Variants in NPIPB11 observed in about 807,000 individuals in gnomAD.
The protein encoded by NPIPB11 is nuclear pore complex interacting protein family member B11, also known as nuclear pore complex-interacting protein family member B11.
In NPIPB11, 17 loss-of-function variants were observed where a neutral mutation model predicts 32.8. The ratio of observed to expected loss-of-function variants is 0.52; its 90% CI spans 0.35 to 0.78. The LOEUF is 0.78. Among genes scored for constraint, NPIPB11 ranks in the 30% least tolerant of loss-of-function variants. The pLI, the probability that NPIPB11 is intolerant of heterozygous loss-of-function variation, is 0.01. For missense variants in NPIPB11, 537 were observed against 1,000.4 expected (o/e 0.54, Z 6.25); for synonymous variants, 209 against 398.4 (o/e 0.52, Z 5.66).
chr16:29,404,741 G>T (rs1177559496), upstream of NPIPB11, among the ~76,000 whole-genome samples: 3 of 150,404 alleles, frequency 2.0e-5, no homozygotes, highest in Admixed American at 6.7e-5. Context: ...ATGGGGTTCA[G>T]GCTGCCGGAC....
chr16:29,401,176 C>T (rs1284034815), intron 2 of NPIPB11, among the ~76,000 whole-genome samples: 10 of 152,130 alleles, frequency 6.6e-5, no homozygotes, highest in Admixed American at 6.6e-4. Flanking sequence ...CTAATCTGAG[C>T]ACTCTTGAAC....
At chr16:29,390,790 A>G (rs985820808) in intron 3 of NPIPB11, among the ~76,000 whole-genome samples, 24 of 151,484 alleles carry the variant, frequency 1.6e-4, no homozygotes, top group South Asian at 1.3e-3. Flanking sequence ...ATGGAGAAAC[A>G]CTGTCTCTGC....
chr16:29,389,944 T>C (rs767624892), exon 5 of NPIPB11: 3 of 1,591,994 alleles, frequency 1.9e-6, no homozygotes, highest in Non-Finnish European at 2.6e-6. Flanking sequence ...ATCTTACTGT[T>C]TTCTGGCGGT....
chr16:29,395,944 C>G (rs1325905984), intron 2 of NPIPB11, among the ~76,000 whole-genome samples: 1 of 150,616 alleles, frequency 6.6e-6, no homozygotes, highest in East Asian at 1.9e-4. Context: ...CACCACTGCA[C>G]TTCAGCCTGG....
upstream of NPIPB11, among the ~76,000 whole-genome samples, chr16:29,405,955 T>C (rs1266106188): frequency 6.6e-6 from 1 of 152,266 alleles, no homozygotes; most frequent in Non-Finnish European, 1.5e-5. Context: ...AGGGTTAAGG[T>C]TTTTATATCC....
chr16:29,389,194 C>CA (rs1166217249), intron 5 of NPIPB11, among the ~76,000 whole-genome samples: 810 of 50,192 alleles, frequency 0.016, 12 homozygotes, highest in East Asian at 0.057. Context: ...GACTCTGTCT[C>CA]AAAAAAAAAA....
At chr16:29,397,584 C>A in intron 2 of NPIPB11, 2 of 1,517,950 alleles carry the variant, frequency 1.3e-6, no homozygotes, top group Non-Finnish European at 1.8e-6. Context: ...GCACTGATGG[C>A]TGATAAATTC....
At chr16:29,399,512 C>T (rs1413454333) in intron 2 of NPIPB11, among the ~76,000 whole-genome samples, 2 of 148,290 alleles carry the variant, frequency 1.3e-5, no homozygotes, top group Admixed American at 6.8e-5. Context: ...CCAGCCTGGC[C>T]AATATGGTGA....
intron 2 of NPIPB11, among the ~76,000 whole-genome samples, chr16:29,401,731 G>T (rs1459754239): frequency 6.6e-6 from 1 of 152,112 alleles, no homozygotes; most frequent in Non-Finnish European, 1.5e-5. Context: ...GGCAAGAGTT[G>T]GGAGCCATTG....
chr16:29,393,263 G>T (rs1963766129), intron 3 of NPIPB11, among the ~76,000 whole-genome samples: 1 of 151,492 alleles, frequency 6.6e-6, no homozygotes, highest in Non-Finnish European at 1.5e-5. Context: ...TCTGCATCAT[G>T]AGACGCAGAG....
upstream of NPIPB11, among the ~76,000 whole-genome samples, chr16:29,404,747 C>T (rs893830464): frequency 2.7e-5 from 4 of 149,968 alleles, no homozygotes; most frequent in Admixed American, 6.7e-5. Context: ...TTCAGGCTGC[C>T]GGACACAGCT....
At chr16:29,399,861 G>A (rs1288915724) in intron 2 of NPIPB11, among the ~76,000 whole-genome samples, 3 of 151,898 alleles carry the variant, frequency 2.0e-5, no homozygotes, top group Admixed American at 2.0e-4. Context: ...GGCGCATCAC[G>A]AGGTTAGGAG....
At chr16:29,390,782 G>T (rs1247486520) in intron 3 of NPIPB11, among the ~76,000 whole-genome samples, 1 of 151,634 alleles carries the variant, frequency 6.6e-6, no homozygotes, top group Non-Finnish European at 1.5e-5. Context: ...TCACCAACAT[G>T]GAGAAACACT....
At chr16:29,402,726 G>C (rs142894007) in intron 2 of NPIPB11, among the ~76,000 whole-genome samples, 44,478 of 96,070 alleles carry the variant, frequency 0.46, 6,492 homozygotes, top group Middle Eastern at 0.54. Flanking sequence ...CTCTCTCTCT[G>C]TGTGTGTGTG....
chr16:29,389,819 C>G lies in NPIPB11; in HGVS notation c.545+122G>C, dbSNP rs1368466969. 3 of 1,530,838 alleles carry G rather than the reference C, an allele frequency of 2.0e-6. No individual in the cohort carries two copies. In the South Asian group the frequency reaches 3.5e-5, roughly 18 times the overall value. 94.8% of individuals were successfully genotyped at this position (1,530,838 alleles called of 1,614,324 possible). Reference sequence around the variant, plus strand: ...ACTAATGAAGCAGAAAGGACAAACTCAATTTTGAACCTACTGAATTTGCCA... The same window carrying G: ...ACTAATGAAGCAGAAAGGACAAACTGAATTTTGAACCTACTGAATTTGCCA... On this transcript the variant is annotated intron_variant, in intron 5 of 7. Coordinates refer to ENST00000524087, the Ensembl canonical transcript of NPIPB11.
chr16:29,389,664 T>A, intron 5 of NPIPB11, among the ~76,000 whole-genome samples: 2 of 41,984 alleles, frequency 4.8e-5, no homozygotes, highest in African/African-American at 1.3e-4. Flanking sequence ...AAGCTCCATC[T>A]CAGGAAAAAA....
intron 2 of NPIPB11, among the ~76,000 whole-genome samples, chr16:29,398,613 C>T (rs1963917549): frequency 6.6e-6 from 1 of 151,992 alleles, no homozygotes; most frequent in South Asian, 2.1e-4. Flanking sequence ...AATCAAATCA[C>T]ACAGCATGTT....
intron 3 of NPIPB11, among the ~76,000 whole-genome samples, chr16:29,391,045 A>G (rs1429166626): frequency 2.0e-5 from 3 of 151,522 alleles, no homozygotes; most frequent in African/African-American, 7.3e-5. Context: ...GACGCGGGTG[A>G]ATCACAAGGT....
chr16:29,393,922 C>A (rs1309063802), intron 3 of NPIPB11, 26 bp downstream of exon 3: 3 of 1,532,636 alleles, frequency 2.0e-6, no homozygotes, highest in Non-Finnish European at 2.6e-6. Context: ...TACAAGTATA[C>A]CTCTACAGAA....
Sources: allele counts gnomAD v4.1 joint callset (sites outside exome capture counted in the v4.1 genomes callset), GRCh38; gene constraint gnomAD v4.1.1; transcripts MANE v1.5; gene names NCBI Gene and HGNC (gene_info 2026-07-23, HGNC 2026-07-21).